The following CAPZB variants were observed in gnomAD, a reference collection of about 807,000 sequenced individuals.
CAPZB encodes capping actin protein of muscle Z-line subunit beta.
A neutral mutation model predicts 38.1 loss-of-function variants in CAPZB; 2 were observed. The observed-to-expected ratio is 0.05, with a 90% CI of 0.02 to 0.17. The LOEUF (loss-of-function observed/expected upper bound fraction) is 0.17. Ranked by LOEUF, CAPZB falls within the 10% of genes least tolerant of loss-of-function variation. The pLI is 1.00. For missense variants in CAPZB, 161 were observed against 334.2 expected (o/e 0.48, Z 4.04); for synonymous variants, 107 against 127.4 (o/e 0.84, Z 1.08).
At chr1:19,367,575 T>C (rs886764922) in intron 4 of CAPZB, among the ~76,000 whole-genome samples, 2 of 152,344 alleles carry the variant, frequency 1.3e-5, no homozygotes, top group African/African-American at 2.4e-5. Context: ...TGTTTGTGTG[T>C]TGAGACCAGC....
intron 1 of CAPZB, among the ~76,000 whole-genome samples, chr1:19,452,420 T>G (rs1415368872): frequency 6.6e-6 from 1 of 152,182 alleles, no homozygotes; most frequent in African/African-American, 2.4e-5. Flanking sequence ...AGTGGTCGGC[T>G]CATAGCCAAT....
At chr1:19,441,059 CAAAACAA>C (rs369823083) in intron 1 of CAPZB, among the ~76,000 whole-genome samples, 190 of 151,950 alleles carry the variant, frequency 1.3e-3, no homozygotes, top group African/African-American at 3.0e-3. Context: ...GACTCCATCT[CAAAACAA>C]AAAACAAAAA....
intron 2 of CAPZB, among the ~76,000 whole-genome samples, chr1:19,393,614 GC>G (rs2094249878): frequency 1.3e-5 from 2 of 152,226 alleles, no homozygotes; most frequent in African/African-American, 4.8e-5. Context: ...AAGGCGAGCT[GC>G]CCCCATCCCC....
At chr1:19,420,396 TTA>T (rs750886573) in intron 1 of CAPZB, among the ~76,000 whole-genome samples, 4 of 152,162 alleles carry the variant, frequency 2.6e-5, no homozygotes, top group Non-Finnish European at 5.9e-5. Flanking sequence ...TTACTCTTGT[TTA>T]TCAAGCACTC....
chr1:19,471,844 A>C (rs542384407), intron 1 of CAPZB, among the ~76,000 whole-genome samples: 1,201 of 112,584 alleles, frequency 0.011, 16 homozygotes, highest in Non-Finnish European at 0.011. Flanking sequence ...CCAGCCTGGG[A>C]GACAAAGCGA....
chr1:19,404,940 T>C (rs2094323506), intron 2 of CAPZB, among the ~76,000 whole-genome samples: 2 of 151,940 alleles, frequency 1.3e-5, no homozygotes. Context: ...AGGCCTGGAG[T>C]CTGGTAGCTT....
In CAPZB at chr1:19,468,741, GTCATT is replaced by G. The variant is rs150032478; in HGVS notation, c.3+16690_3+16694del. Reference sequence around the variant, plus strand: ...TTCTGGCTCCTCTGAGTTTAAATTAGTCATTTCCCCAGCACCCGCCATGCCCTCCT... The same window carrying G: ...TTCTGGCTCCTCTGAGTTTAAATTAGTCCCCAGCACCCGCCATGCCCTCCT... On this transcript the variant is annotated intron_variant, in intron 1 of 8. Coordinates refer to ENST00000264202, the MANE Select transcript of CAPZB (RefSeq NM_004930.5). Among the ~76,000 whole-genome samples, 350 of 151,630 alleles carry G rather than the reference GTCATT, an allele frequency of 2.3e-3. 3 individuals are homozygous for G. The highest frequency in any genetic ancestry group is 4.9e-3 in the Admixed American group (74 of 15,252).
chr1:19,452,810 T>C (rs1242442372), intron 1 of CAPZB, among the ~76,000 whole-genome samples: 114 of 146,130 alleles, frequency 7.8e-4, no homozygotes, highest in South Asian at 2.6e-3. Context: ...TTTTTTTTTT[T>C]TGTCTTTTTT....
rs2093976465 is a variant in CAPZB, at chr1:19,348,772, G to GT, written c.589-3521dup. Among the ~76,000 whole-genome samples the GT allele has an allele frequency of 1.5e-5, 2 of 134,394 alleles. 1 individual carries two copies. Among genetic ancestry groups the GT allele is most frequent in the African/African-American group, 5.5e-5 (2 of 36,294 alleles). The allele number at this position is 134,394 out of a possible 152,430, so 88.2% of individuals were successfully genotyped here. A position where few individuals can be genotyped will look rare whatever the true frequency, so the allele number is the denominator to read the frequency against. ...TGGCATCTGACAAGGGGGGGGGGCG[G>GT]TCTAGGTGAGGGCAACAGTCCAGAA... On this transcript the variant is annotated intron_variant, in intron 6 of 8. Coordinates refer to ENST00000264202, the MANE Select transcript of CAPZB (RefSeq NM_004930.5).
rs575037794 is a variant in CAPZB at position 19,409,470 on chromosome 1, G to C, written c.93+10191C>G. Among the ~76,000 whole-genome samples the C allele has an allele frequency of 3.9e-5, 6 of 152,288 alleles. No homozygotes were observed. The East Asian group carries it at 1.2e-3, about 29-fold the overall frequency. ...GTGAGGACCAAAGTTTCACATATTA[G>C]GCGTTTGTGTTTCTTCCTCTGTGAA... is the stretch of plus-strand genomic sequence containing the variant. On this transcript the variant is annotated intron_variant, in intron 2 of 8. Coordinates refer to ENST00000264202, the MANE Select transcript of CAPZB (RefSeq NM_004930.5).
chr1:19,410,782 G>T (rs778556246), intron 2 of CAPZB, among the ~76,000 whole-genome samples: 1 of 152,230 alleles, frequency 6.6e-6, no homozygotes, highest in East Asian at 1.9e-4. Context: ...TTTAAGAAAT[G>T]GCATACTATA....
chr1:19,391,421 C>T (rs1255774829), intron 2 of CAPZB, among the ~76,000 whole-genome samples: 1 of 152,146 alleles, frequency 6.6e-6, no homozygotes, highest in Non-Finnish European at 1.5e-5. Context: ...AGCCCACCAC[C>T]AGCAAGATAG....
intron 4 of CAPZB, among the ~76,000 whole-genome samples, chr1:19,372,939 T>C (rs2094126675): frequency 6.6e-6 from 1 of 152,080 alleles, no homozygotes; most frequent in Non-Finnish European, 1.5e-5. Context: ...GAAGGTGACT[T>C]GCGAGCAGAT....
intron 1 of CAPZB, among the ~76,000 whole-genome samples, chr1:19,425,288 C>T (rs1251245844): frequency 2.6e-5 from 4 of 152,176 alleles, no homozygotes; most frequent in African/African-American, 9.7e-5. Flanking sequence ...AAAGAAGGAC[C>T]ATTTCTCCTT....
At chr1:19,411,496 A>T (rs573774909) in intron 2 of CAPZB, among the ~76,000 whole-genome samples, 1 of 152,180 alleles carries the variant, frequency 6.6e-6, no homozygotes, top group Admixed American at 6.5e-5. Flanking sequence ...TGGTGGATAC[A>T]TCGTTGCAGT....
chr1:19,448,794 G>A lies in CAPZB; in HGVS notation c.4-29044C>T, dbSNP rs1275253065. On this transcript the variant is annotated intron_variant, in intron 1 of 8. Transcript: ENST00000264202. The stretch of plus-strand genomic sequence containing the variant: ...TCAACCCTGATGGCCACGGCCACCT[G>A]TTGCTCCTCCTCCCCCCTCAGATCT... The A allele has an allele frequency of 1.9e-6, 3 of 1,611,126 alleles. No individual in the cohort carries two copies. In the East Asian group the frequency reaches 6.7e-5, roughly 36 times the overall value.
intron 7 of CAPZB, 96 bp downstream of exon 7, chr1:19,345,091 A>G: frequency 1.1e-6 from 1 of 931,698 alleles, no homozygotes; most frequent in East Asian, 2.4e-5. Context: ...GAGCTGAGAG[A>G]AAGCAGCAGA....
intron 3 of CAPZB, among the ~76,000 whole-genome samples, 178 bp downstream of exon 3, chr1:19,385,327 C>T (rs905372053): frequency 1.3e-5 from 2 of 152,104 alleles, no homozygotes; most frequent in Non-Finnish European, 2.9e-5. Flanking sequence ...ACAGATGGAA[C>T]GATGAGAAGA....
chr1:19,368,275 C>T (rs752333485), intron 4 of CAPZB, among the ~76,000 whole-genome samples: 13 of 152,162 alleles, frequency 8.5e-5, no homozygotes, highest in South Asian at 2.1e-4. Context: ...GGAGCGCAGG[C>T]GGACAGAACA....
Sources: gnomAD v4.1 joint callset for allele counts (sites outside exome capture counted in the v4.1 genomes callset) on GRCh38, gnomAD v4.1.1 for gene constraint, MANE v1.5 for transcripts, NCBI Gene and HGNC (gene_info 2026-07-23, HGNC 2026-07-21) for gene names.